The following ANK2 variants were observed in gnomAD, a reference collection of about 807,000 sequenced individuals.
ANK2 encodes ankyrin 2.
ANK2 carries 83 observed loss-of-function variants against 360.5 expected under a neutral mutation model. That is an observed-to-expected ratio of 0.23 (90% CI 0.19 to 0.28). The LOEUF (loss-of-function observed/expected upper bound fraction) is 0.28, where lower values mean the gene tolerates loss of function less well. Among genes scored for constraint, ANK2 ranks in the 10% least tolerant of loss-of-function variants. The probability of loss-of-function intolerance (pLI) is 1.00; values close to 1 mark genes in which losing one functional copy is unlikely to be tolerated. For missense variants in ANK2, 4,201 were observed against 4,795.7 expected (o/e 0.88, Z 3.66); for synonymous variants, 1,740 against 1,759.5 (o/e 0.99, Z 0.28).
the ANK2 span, among the ~76,000 whole-genome samples, chr4:112,734,287 G>T: frequency 1.3e-5 from 2 of 152,218 alleles, no homozygotes; most frequent in Admixed American, 6.5e-5. Flanking sequence ...TTTTGGAGAA[G>T]GAACTGAGCT....
chr4:112,874,497 C>T (rs2074344899), intron 1 of ANK2, among the ~76,000 whole-genome samples: 1 of 151,082 alleles, frequency 6.6e-6, no homozygotes, highest in Admixed American at 6.6e-5. Flanking sequence ...AAAAAATTAG[C>T]TGGGTGTGCT....
intron 41 of ANK2, among the ~76,000 whole-genome samples, chr4:113,367,302 T>A (rs951153690): frequency 6.6e-6 from 1 of 152,044 alleles, no homozygotes; most frequent in South Asian, 2.1e-4. Context: ...AACCCCATGT[T>A]AGGTGCTCCC....
the ANK2 span, chr4:112,738,902 A>G: frequency 5.8e-6 from 4 of 684,524 alleles, no homozygotes; most frequent in Non-Finnish European, 1.0e-5. Context: ...AACAAAAAAC[A>G]AAGCACATGC....
chr4:113,225,543 A>AT (rs2099208488), intron 4 of ANK2, among the ~76,000 whole-genome samples: 5 of 152,182 alleles, frequency 3.3e-5, no homozygotes, highest in African/African-American at 1.2e-4. Context: ...GCATGCCAGG[A>AT]AAATAAAGGC....
intron 2 of ANK2, among the ~76,000 whole-genome samples, chr4:112,956,865 A>G (rs1369335713): frequency 1.3e-5 from 2 of 152,166 alleles, no homozygotes; most frequent in Non-Finnish European, 2.9e-5. Flanking sequence ...GTGGGTAAAG[A>G]TGTTAAGTGT....
upstream of ANK2, among the ~76,000 whole-genome samples, chr4:112,817,909 A>C (rs757750979): frequency 2.0e-5 from 3 of 152,174 alleles, no homozygotes; most frequent in African/African-American, 4.8e-5. Flanking sequence ...AAACCAGAAA[A>C]AAAATATTTT....
intron 1 of ANK2, among the ~76,000 whole-genome samples, chr4:113,156,602 A>G (rs545361740): frequency 1.2e-4 from 18 of 151,948 alleles, no homozygotes; most frequent in African/African-American, 4.3e-4. Flanking sequence ...AGCTCAAATG[A>G]TCTGTCTTCC....
the ANK2 span, among the ~76,000 whole-genome samples, chr4:112,714,209 G>A: frequency 3.3e-5 from 5 of 152,060 alleles, no homozygotes; most frequent in South Asian, 8.3e-4. Flanking sequence ...TTGAGATGGA[G>A]TCTTGCTCTG....
chr4:113,173,321 G>A (rs542745748), intron 1 of ANK2, among the ~76,000 whole-genome samples: 7 of 152,260 alleles, frequency 4.6e-5, no homozygotes, highest in African/African-American at 1.7e-4. Flanking sequence ...AGCTCTGACC[G>A]AGTATGCCAA....
chr4:113,239,523 CTTTTGTTAAGTAGTGAAAA>C (rs1369579146), intron 7 of ANK2, among the ~76,000 whole-genome samples: 1 of 152,024 alleles, frequency 6.6e-6, no homozygotes, highest in Non-Finnish European at 1.5e-5. Context: ...TTCCCATAAT[CTTTTGTTAAGTAGTGAAAA>C]TTCTGGAGAG....
chr4:113,149,874 CAAAAAAAAAAAAAAAAAAAAAAAA>C (rs34667216), intron 1 of ANK2, among the ~76,000 whole-genome samples: 49 of 31,402 alleles, frequency 1.6e-3, no homozygotes, highest in Non-Finnish European at 2.1e-4. Flanking sequence ...GACCCTGCCT[CAAAAAAAAAAAAAAAAAAAAAAAA>C]AAGAAAGATT....
In ANK2 at chr4:112,954,825, G is replaced by T. The variant is rs1235352101; in HGVS notation, c.21+50311G>T. On this transcript the variant is annotated intron_variant, in intron 2 of 30. Coordinates refer to the ANK2 transcript ENST00000503271. Reference sequence around the variant, plus strand: ...ATGGAGTTTGCTTGCTGATATAAGTGTAAACTGGAATAATACTTTTGGAAA... The same window carrying T: ...ATGGAGTTTGCTTGCTGATATAAGTTTAAACTGGAATAATACTTTTGGAAA... 2.6e-5 allele frequency among the ~76,000 whole-genome samples: 4 copies of T among 152,036 alleles called. No homozygotes were observed. In the East Asian group the frequency reaches 7.7e-4, roughly 29 times the overall value.
chr4:113,034,210 A>G (rs2061077362), intron 2 of ANK2, among the ~76,000 whole-genome samples: 1 of 152,022 alleles, frequency 6.6e-6, no homozygotes, highest in African/African-American at 2.4e-5. Flanking sequence ...GGAAATCAAG[A>G]TAAGTTTTTA....
At chr4:113,272,157 G>T (rs921657850) in intron 14 of ANK2, among the ~76,000 whole-genome samples, 1 of 152,148 alleles carries the variant, frequency 6.6e-6, no homozygotes, top group African/African-American at 2.4e-5. Flanking sequence ...TCAAATCTTT[G>T]AACTTTATCC....
At chr4:112,836,364 T>C (rs967947405) in intron 1 of ANK2, among the ~76,000 whole-genome samples, 2 of 152,178 alleles carry the variant, frequency 1.3e-5, no homozygotes, top group African/African-American at 4.8e-5. Flanking sequence ...TCAGGTAGTA[T>C]CTTTATAGCA....
At chr4:112,906,840 G>A (rs1359127384) in intron 2 of ANK2, among the ~76,000 whole-genome samples, 2 of 152,106 alleles carry the variant, frequency 1.3e-5, no homozygotes, top group East Asian at 1.9e-4. Flanking sequence ...TGATGACTGG[G>A]AATTTGTAGT....
chr4:112,953,045 T>C (rs936601766), intron 2 of ANK2, among the ~76,000 whole-genome samples: 8 of 152,154 alleles, frequency 5.3e-5, no homozygotes, highest in Admixed American at 2.0e-4. Flanking sequence ...TTTCATTTAA[T>C]CCCATGAAAC....
intron 1 of ANK2, chr4:112,881,756 C>A: frequency 1.5e-6 from 1 of 655,660 alleles, no homozygotes; most frequent in Admixed American, 2.1e-5. Flanking sequence ...TCCATCACTT[C>A]GATTATTCAA....
At chr4:112,709,947 T>G in the ANK2 span, among the ~76,000 whole-genome samples, 1 of 152,156 alleles carries the variant, frequency 6.6e-6, no homozygotes, top group South Asian at 2.1e-4. Context: ...CTCTGGGTAT[T>G]GGTGTCATAT....
Sources: gnomAD v4.1 joint callset for allele counts (sites outside exome capture counted in the v4.1 genomes callset) on GRCh38, gnomAD v4.1.1 for gene constraint, MANE v1.5 for transcripts, NCBI Gene and HGNC (gene_info 2026-07-23, HGNC 2026-07-21) for gene names.